The following SRPK2 variants were observed in gnomAD, a reference collection of about 807,000 sequenced individuals.
The protein encoded by SRPK2 is SFRS protein kinase 2.
Under a neutral mutation model 90.8 loss-of-function variants are expected in SRPK2, and 21 were observed. The observed-to-expected ratio is 0.23, with a 90% CI of 0.16 to 0.33. The LOEUF (loss-of-function observed/expected upper bound fraction) is 0.33. SRPK2 is among the 10% of genes least tolerant of loss of function. The pLI is 1.00. For synonymous variants in SRPK2, 288 were observed against 311.1 expected, an observed-to-expected ratio of 0.93 and a Z score of 0.78; for missense variants, 620 against 869.0, an observed-to-expected ratio of 0.71 and a Z score of 3.60.
chr7:105,316,353 C>T (rs1351811824), intron 2 of SRPK2, among the ~76,000 whole-genome samples: 1 of 152,134 alleles, frequency 6.6e-6, no homozygotes, highest in Non-Finnish European at 1.5e-5. Flanking sequence ...ATAGCATTAA[C>T]TTCGGTAGTA....
rs765544583 is a variant in SRPK2, at chr7:105,159,448, C to CAAAAAAAAAAAAAAAAAAAAAAAAAAAAA, written c.621+1058_621+1059insTTTTTTTTTTTTTTTTTTTTTTTTTTTTT. ...GGGTGACAGAGCGAGACTCCGTCTCCAAAAAAAAAAAAAAAAAAAAAAAAA... is the reference window on the plus strand; with the variant it reads ...GGGTGACAGAGCGAGACTCCGTCTCCAAAAAAAAAAAAAAAAAAAAAAAAAAAAAAAAAAAAAAAAAAAAAAAAAAAAAA... On this transcript the variant is annotated intron_variant, in intron 7 of 15. Coordinates refer to ENST00000393651, the MANE Select transcript of SRPK2 (RefSeq NM_182692.3). Among the ~76,000 whole-genome samples, 5 of 33,140 alleles carry CAAAAAAAAAAAAAAAAAAAAAAAAAAAAA rather than the reference C, an allele frequency of 1.5e-4. 2 individuals carry two copies. The highest frequency in any genetic ancestry group is 2.8e-4 in the African/African-American group (3 of 10,694). 21.7% of individuals were successfully genotyped at this position (33,140 alleles called of 152,430 possible).
chr7:105,221,923 A>C (rs1798146211), intron 2 of SRPK2, among the ~76,000 whole-genome samples: 1 of 152,174 alleles, frequency 6.6e-6, no homozygotes, highest in Non-Finnish European at 1.5e-5. Context: ...AAATAACTCC[A>C]TTTATTTCCT....
rs1221496164 is a variant in SRPK2, at chr7:105,247,519, CACACACACATAA to C, written c.72-43746_72-43735del. ...GGAGTGCCATACATACCAAAAAACA[CACACACACATAA>C]ACACACACACACACACACACACACA... On this transcript the variant is annotated intron_variant, in intron 2 of 15. Coordinates refer to ENST00000393651, the MANE Select transcript of SRPK2 (RefSeq NM_182692.3). Among the ~76,000 whole-genome samples, 7 of 122,258 alleles carry C rather than the reference CACACACACATAA, an allele frequency of 5.7e-5. No homozygotes were observed. In the East Asian group the frequency reaches 8.3e-4, roughly 14 times the overall value. 80.2% of individuals were successfully genotyped at this position (122,258 alleles called of 152,430 possible).
Position 105,182,436 on chromosome 7 carries a change from T to G in SRPK2, c.230-13171A>C, listed in dbSNP as rs1441897804. On this transcript the variant is annotated intron_variant, in intron 3 of 15. Coordinates refer to ENST00000393651, the MANE Select transcript of SRPK2 (RefSeq NM_182692.3). Reference sequence around the variant, plus strand: ...TTGAGATTTGTGCAAAACTTGTGACTTTGTTTCCCCCCCCGCCTTTTTTTT... The same window carrying G: ...TTGAGATTTGTGCAAAACTTGTGACGTTGTTTCCCCCCCCGCCTTTTTTTT... 2.1e-5 allele frequency among the ~76,000 whole-genome samples: 3 copies of G among 145,844 alleles called. No individual in the cohort carries two copies. The East Asian group carries it at 6.3e-4, about 31-fold the overall frequency.
rs1476464058 is a variant in SRPK2 at position 105,203,485 on chromosome 7, AATG to A, written c.229+140_229+142del. On this transcript the variant is annotated intron_variant, in intron 3 of 15. Transcript: ENST00000393651. The stretch of plus-strand genomic sequence containing the variant: ...TCTATACAATGACCTAAGAATTTAA[AATG>A]ATAATGACACAAGGAGGCTAATTTA... The A allele has an allele frequency of 3.5e-6, 3 of 850,084 alleles. No individual in the cohort carries two copies. The African/African-American group carries it at 5.3e-5, about 15-fold the overall frequency. The allele number at this position is 850,084 out of a possible 1,614,324, so 52.7% of individuals were successfully genotyped here.
At chr7:105,210,180 C>T (rs144145442) in intron 2 of SRPK2, among the ~76,000 whole-genome samples, 19 of 152,248 alleles carry the variant, frequency 1.2e-4, no homozygotes, top group African/African-American at 4.6e-4. Flanking sequence ...GAAAAATGTC[C>T]TCTCCTTTGC....
intron 7 of SRPK2, among the ~76,000 whole-genome samples, chr7:105,150,378 AG>A (rs1200491377): frequency 1.3e-5 from 2 of 152,190 alleles, no homozygotes; most frequent in African/African-American, 4.8e-5. Flanking sequence ...AAAACTGCAC[AG>A]GCATAGTGGC....
rs577773051 is a variant in SRPK2 at position 105,384,144 on chromosome 7, A to T, written c.71+4504T>A. On this transcript the variant is annotated intron_variant, in intron 2 of 15. Transcript: ENST00000393651. ...TCCCAATAAAAGTTATGAAAAAAAT[A>T]AATGAAAGAGATATTTTAAAAATTG... Among the ~76,000 whole-genome samples, 131 of 152,304 alleles carry T rather than the reference A, an allele frequency of 8.6e-4. 1 individual carries two copies. The highest frequency in any genetic ancestry group is 3.0e-3 in the African/African-American group (126 of 41,580).
rs546210374 is a variant in SRPK2 at position 105,313,446 on chromosome 7, CAA to C, written c.71+75200_71+75201del. The stretch of plus-strand genomic sequence containing the variant: ...TGGGCAACAGAGTGAGACTCCATCT[CAA>C]AAAAAAAAAAAAAAAAATTGGCCAG... On this transcript the variant is annotated intron_variant, in intron 2 of 15. Transcript: ENST00000393651. Among the ~76,000 whole-genome samples, 190 of 64,496 alleles carry C rather than the reference CAA, an allele frequency of 2.9e-3. 1 individual carries two copies. The highest frequency in any genetic ancestry group is 8.8e-3 in the African/African-American group (171 of 19,330). 42.3% of individuals were successfully genotyped at this position (64,496 alleles called of 152,430 possible). A position where few individuals can be genotyped will look rare whatever the true frequency, so the allele number is the denominator to read the frequency against.
At chr7:105,194,419 C>A (rs1051065422) in intron 3 of SRPK2, among the ~76,000 whole-genome samples, 1 of 152,018 alleles carries the variant, frequency 6.6e-6, no homozygotes, top group African/African-American at 2.4e-5. Flanking sequence ...CCTCCATTTG[C>A]CCTGAAATGA....
chr7:105,386,272 C>A (rs1293749679), intron 2 of SRPK2, among the ~76,000 whole-genome samples: 26 of 148,224 alleles, frequency 1.8e-4, no homozygotes, highest in African/African-American at 5.2e-4. Flanking sequence ...CGAGATCGCG[C>A]CACTGCCCTC....
At chr7:105,206,123 A>G (rs990402174) in intron 2 of SRPK2, 6 of 435,230 alleles carry the variant, frequency 1.4e-5, no homozygotes, top group Non-Finnish European at 2.8e-5. Flanking sequence ...TCCAGCCACT[A>G]TATGTCAGTA....
intron 2 of SRPK2, among the ~76,000 whole-genome samples, chr7:105,348,027 A>G (rs1464867407): frequency 6.6e-6 from 1 of 151,316 alleles, no homozygotes; most frequent in Non-Finnish European, 1.5e-5. Context: ...TACCAGTGAC[A>G]TATACCATTA....
intron 2 of SRPK2, among the ~76,000 whole-genome samples, chr7:105,358,283 A>G (rs549431042): frequency 1.3e-5 from 2 of 152,064 alleles, no homozygotes; most frequent in South Asian, 4.1e-4. Flanking sequence ...AAAAACCAGA[A>G]GCCTTATCAA....
chr7:105,151,946 C>T (rs1472466380), intron 7 of SRPK2, among the ~76,000 whole-genome samples: 1 of 151,014 alleles, frequency 6.6e-6, no homozygotes, highest in Non-Finnish European at 1.5e-5. Flanking sequence ...ATCACTTGAA[C>T]CCAGAAAGCG....
intron 2 of SRPK2, among the ~76,000 whole-genome samples, chr7:105,385,834 T>G (rs892055431): frequency 1.3e-5 from 2 of 152,214 alleles, no homozygotes; most frequent in African/African-American, 2.4e-5. Flanking sequence ...TGTCACAAGG[T>G]ATATGTAAAA....
At chr7:105,380,947 TAA>T (rs869039181) in intron 2 of SRPK2, among the ~76,000 whole-genome samples, 20,785 of 103,970 alleles carry the variant, frequency 0.2, 2,205 homozygotes, top group East Asian at 0.52. Flanking sequence ...TTTATTACTT[TAA>T]AAAAAAAAAA....
At chr7:105,277,886 T>C (rs1163479207) in intron 2 of SRPK2, among the ~76,000 whole-genome samples, 2 of 152,142 alleles carry the variant, frequency 1.3e-5, no homozygotes, top group African/African-American at 2.4e-5. Flanking sequence ...AGTGACAAAG[T>C]TGACAGAAAA....
At chr7:105,238,838 C>A (rs1270576527) in intron 2 of SRPK2, among the ~76,000 whole-genome samples, 1 of 151,364 alleles carries the variant, frequency 6.6e-6, no homozygotes, top group East Asian at 1.9e-4. Context: ...CATTTATAAC[C>A]CCACCACCTA....
Sources: allele counts gnomAD v4.1 joint callset (sites outside exome capture counted in the v4.1 genomes callset), GRCh38; gene constraint gnomAD v4.1.1; transcripts MANE v1.5; gene names NCBI Gene and HGNC (gene_info 2026-07-23, HGNC 2026-07-21).